Variants in PPM1E observed in about 807,000 individuals in gnomAD.
PPM1E encodes protein phosphatase 1E.
A neutral mutation model predicts 65.9 loss-of-function variants in PPM1E; 20 were observed. The observed-to-expected ratio is 0.30, with a 90% CI of 0.21 to 0.44. The LOEUF (loss-of-function observed/expected upper bound fraction) is 0.44, where lower values mean the gene tolerates loss of function less well. Ranked by LOEUF, PPM1E falls within the 20% of genes least tolerant of loss-of-function variation. The pLI is 1.00. For synonymous variants in PPM1E, 352 were observed against 374.9 expected, an observed-to-expected ratio of 0.94 and a Z score of 0.70; for missense variants, 713 against 953.1, an observed-to-expected ratio of 0.75 and a Z score of 3.32.
intron 1 of PPM1E, among the ~76,000 whole-genome samples, chr17:58,887,314 G>A (rs979431102): frequency 1.3e-5 from 2 of 151,800 alleles, no homozygotes; most frequent in East Asian, 3.9e-4. Flanking sequence ...ACAGGCATGC[G>A]CCACCATGCC....
chr17:58,971,750 T>G (rs2030642293), intron 4 of PPM1E, among the ~76,000 whole-genome samples: 1 of 152,122 alleles, frequency 6.6e-6, no homozygotes, highest in Non-Finnish European at 1.5e-5. Flanking sequence ...ATATAGAAAT[T>G]TTTACTCTGA....
At chr17:58,798,003 T>C (rs751529796) in intron 1 of PPM1E, among the ~76,000 whole-genome samples, 1 of 152,206 alleles carries the variant, frequency 6.6e-6, no homozygotes, top group Non-Finnish European at 1.5e-5. Flanking sequence ...TCTTGTACTT[T>C]TAATCTGCAT....
At chr17:58,778,927 CATATATATATATATATAT>C (rs59563297) in intron 1 of PPM1E, among the ~76,000 whole-genome samples, 22 of 103,708 alleles carry the variant, frequency 2.1e-4, no homozygotes, top group Admixed American at 1.3e-3. Flanking sequence ...ATGATACATA[CATATATATATATATATAT>C]ATATATATAT....
chr17:58,813,426 C>T (rs1199948261), intron 1 of PPM1E, among the ~76,000 whole-genome samples: 3 of 152,154 alleles, frequency 2.0e-5, no homozygotes, highest in East Asian at 3.8e-4. Context: ...CCTAAGATGT[C>T]GTGCTGGATC....
At chr17:58,935,415 A>G (rs893542937) in intron 1 of PPM1E, among the ~76,000 whole-genome samples, 3 of 152,176 alleles carry the variant, frequency 2.0e-5, no homozygotes, top group African/African-American at 7.2e-5. Flanking sequence ...ATGTGACGTT[A>G]CAGAAGCTTA....
rs1340412744 is a variant in PPM1E, at chr17:58,776,594, C to T, written c.464+20133C>T. Reference sequence around the variant, plus strand: ...TATTTGTCCTTGATCTGTGTCATTTCCTCATTTTAAATTCACCAAATAGTT... The same window carrying T: ...TATTTGTCCTTGATCTGTGTCATTTTCTCATTTTAAATTCACCAAATAGTT... On this transcript the variant is annotated intron_variant, in intron 1 of 6. Coordinates refer to ENST00000308249, the MANE Select transcript of PPM1E (RefSeq NM_014906.5). Among the ~76,000 whole-genome samples the T allele has an allele frequency of 2.0e-5, 3 of 152,186 alleles. No individual in the cohort carries two copies. The East Asian group carries it at 5.8e-4, about 29-fold the overall frequency.
chr17:58,900,297 A>G (rs758104622), intron 1 of PPM1E, among the ~76,000 whole-genome samples: 5 of 152,198 alleles, frequency 3.3e-5, no homozygotes, highest in Admixed American at 1.3e-4. Context: ...GGAAGAGTCA[A>G]TAGATGTGGC....
chr17:58,782,871 G>C (rs796266472), intron 1 of PPM1E, among the ~76,000 whole-genome samples: 11 of 152,148 alleles, frequency 7.2e-5, no homozygotes, highest in African/African-American at 2.6e-4. Context: ...CAGGAATATG[G>C]AAAATGTATG....
intron 1 of PPM1E, among the ~76,000 whole-genome samples, chr17:58,921,024 TC>T (rs2051743377): frequency 3.3e-5 from 5 of 152,218 alleles, no homozygotes; most frequent in Non-Finnish European, 5.9e-5. Flanking sequence ...ATCATTTCTG[TC>T]ATATACTGCT....
At chr17:58,896,584 CAAAT>C (rs1413752293) in intron 1 of PPM1E, among the ~76,000 whole-genome samples, 10 of 151,960 alleles carry the variant, frequency 6.6e-5, no homozygotes, top group South Asian at 2.1e-4. Flanking sequence ...GACTCCATCT[CAAAT>C]AAATAAATAA....
At chr17:58,834,892 A>G (rs928631952) in intron 1 of PPM1E, among the ~76,000 whole-genome samples, 2 of 152,118 alleles carry the variant, frequency 1.3e-5, no homozygotes, top group Non-Finnish European at 2.9e-5. Context: ...TATAAATTTT[A>G]GAATCAGCTT....
intron 1 of PPM1E, among the ~76,000 whole-genome samples, chr17:58,762,810 A>G (rs1212127960): frequency 3.3e-5 from 5 of 151,064 alleles, no homozygotes; most frequent in African/African-American, 1.2e-4. Flanking sequence ...AGGCAGGAGA[A>G]TGGCGTGAAC....
At chr17:58,925,864 G>A (rs979512988) in intron 1 of PPM1E, among the ~76,000 whole-genome samples, 6 of 152,012 alleles carry the variant, frequency 3.9e-5, no homozygotes, top group African/African-American at 1.5e-4. Context: ...AGAAAGGAGG[G>A]ACACTGATCT....
intron 1 of PPM1E, among the ~76,000 whole-genome samples, chr17:58,940,853 G>A (rs1368673517): frequency 6.6e-6 from 1 of 152,134 alleles, no homozygotes; most frequent in Non-Finnish European, 1.5e-5. Context: ...TGGGGTTACA[G>A]GTGTATGCCA....
At chr17:58,797,664 AG>A (rs2050219530) in intron 1 of PPM1E, among the ~76,000 whole-genome samples, 2 of 152,226 alleles carry the variant, frequency 1.3e-5, no homozygotes, top group Non-Finnish European at 2.9e-5. Flanking sequence ...CTATTAATAA[AG>A]CTCCTATGAA....
intron 1 of PPM1E, among the ~76,000 whole-genome samples, chr17:58,838,863 G>T (rs2050689333): frequency 6.6e-6 from 1 of 152,132 alleles, no homozygotes. Context: ...AAAGAAAGGA[G>T]ATATTAAACC....
intron 1 of PPM1E, among the ~76,000 whole-genome samples, chr17:58,940,516 A>T (rs957656394): frequency 2.6e-5 from 4 of 152,242 alleles, no homozygotes; most frequent in Non-Finnish European, 5.9e-5. Flanking sequence ...AAATTATATT[A>T]ACTGTGACTA....
At chr17:58,906,845 A>G (rs1473734603) in intron 1 of PPM1E, among the ~76,000 whole-genome samples, 1 of 152,122 alleles carries the variant, frequency 6.6e-6, no homozygotes, top group African/African-American at 2.4e-5. Context: ...CTTTCACTGT[A>G]TTCCACAGAT....
At chr17:58,784,725 A>G (rs1318873358) in intron 1 of PPM1E, among the ~76,000 whole-genome samples, 2 of 151,492 alleles carry the variant, frequency 1.3e-5, no homozygotes, top group South Asian at 2.1e-4. Flanking sequence ...TAGTTTCCCC[A>G]TGTTGGCCAG....
Sources: allele counts gnomAD v4.1 joint callset (sites outside exome capture counted in the v4.1 genomes callset), GRCh38; gene constraint gnomAD v4.1.1; transcripts MANE v1.5; gene names NCBI Gene and HGNC (gene_info 2026-07-23, HGNC 2026-07-21).